GPC6: variants seen among roughly 807,000 people sequenced by gnomAD.
GPC6 encodes glypican-6.
A neutral mutation model predicts 55.2 loss-of-function variants in GPC6; 14 were observed. The ratio of observed to expected loss-of-function variants is 0.25; its 90% CI spans 0.17 to 0.40. The LOEUF (loss-of-function observed/expected upper bound fraction) is 0.40. Among genes scored for constraint, GPC6 ranks in the 10% least tolerant of loss-of-function variants. The pLI, the probability that GPC6 is intolerant of heterozygous loss-of-function variation, is 1.00. For missense variants in GPC6, 641 were observed against 708.5 expected, an observed-to-expected ratio of 0.90 and a Z score of 1.08; for synonymous variants, 278 against 259.6, an observed-to-expected ratio of 1.07 and a Z score of -0.68.
intron 3 of GPC6, among the ~76,000 whole-genome samples, chr13:93,948,731 C>G (rs1450609894): frequency 2.0e-5 from 3 of 152,086 alleles, no homozygotes; most frequent in African/African-American, 7.2e-5. Context: ...ATGTCATCCC[C>G]AACTCAGATA....
At chr13:93,388,398 C>T (rs920216054) in intron 1 of GPC6, among the ~76,000 whole-genome samples, 1 of 152,184 alleles carries the variant, frequency 6.6e-6, no homozygotes, top group Non-Finnish European at 1.5e-5. Flanking sequence ...CCCTTGGGGG[C>T]TCAAATTGTT....
intron 3 of GPC6, among the ~76,000 whole-genome samples, chr13:94,025,935 T>C (rs1284872527): frequency 6.6e-6 from 1 of 152,048 alleles, no homozygotes; most frequent in East Asian, 1.9e-4. Flanking sequence ...ATAAAAAAAA[T>C]TAAAGGATAT....
chr13:94,398,503 C>A lies in GPC6; in HGVS notation c.1327C>A (p.Gln443Lys). 2 of 1,613,756 alleles carry A rather than the reference C, an allele frequency of 1.2e-6. No individual in the cohort carries two copies. Among genetic ancestry groups the A allele is most frequent in the Non-Finnish European group, 1.7e-6 (2 of 1,179,682 alleles). Reference sequence around the variant, plus strand: ...GATCATGAATGATGGGCTCACCAACCAGATCAACAATCCCGAGGTGGATGT... The same window carrying A: ...GATCATGAATGATGGGCTCACCAACAAGATCAACAATCCCGAGGTGGATGT... Reference protein sequence around the residue: ...PEIMNDGLTNQINNPEVDVDI... With the variant: ...PEIMNDGLTNKINNPEVDVDI... Residue 443 changes from glutamine (Q) to lysine (K), a missense_variant, in exon 8 of 9, where the codon CAG (glutamine) becomes AAG (lysine). Gln to Lys is a moderately conservative substitution (Grantham distance 53). Transcript: ENST00000377047.
At chr13:94,305,779 A>G (rs1304271538) in intron 5 of GPC6, among the ~76,000 whole-genome samples, 1 of 152,240 alleles carries the variant, frequency 6.6e-6, no homozygotes. Flanking sequence ...GTCAGGGATT[A>G]TAGTTGGTCA....
At chr13:93,314,248 CA>C (rs1176177829) in intron 1 of GPC6, among the ~76,000 whole-genome samples, 3 of 152,044 alleles carry the variant, frequency 2.0e-5, no homozygotes, top group Admixed American at 6.6e-5. Context: ...CGTAATGCAT[CA>C]AATATATACT....
intron 3 of GPC6, among the ~76,000 whole-genome samples, chr13:93,913,875 C>T (rs1480097897): frequency 1.3e-5 from 2 of 152,150 alleles, no homozygotes; most frequent in Non-Finnish European, 2.9e-5. Flanking sequence ...GAGACAAAAA[C>T]TTAGTTGGCT....
chr13:94,243,370 T>C (rs1891109668), intron 4 of GPC6, among the ~76,000 whole-genome samples: 1 of 152,080 alleles, frequency 6.6e-6, no homozygotes, highest in Admixed American at 6.6e-5. Context: ...GTCTTTTGTG[T>C]ACTGTAACAC....
chr13:93,708,166 T>C (rs1882921511), intron 2 of GPC6, among the ~76,000 whole-genome samples: 1 of 151,836 alleles, frequency 6.6e-6, no homozygotes, highest in South Asian at 2.1e-4. Flanking sequence ...TTACAAGATT[T>C]CCCTTAATTA....
chr13:93,959,497 AT>A (rs1203150423), intron 3 of GPC6, among the ~76,000 whole-genome samples: 3 of 152,120 alleles, frequency 2.0e-5, no homozygotes, highest in African/African-American at 7.2e-5. Context: ...TTCTTACCCA[AT>A]TGCTCTGGGA....
At chr13:93,262,535 A>G (rs2139042204) in intron 1 of GPC6, among the ~76,000 whole-genome samples, 1 of 152,346 alleles carries the variant, frequency 6.6e-6, no homozygotes, top group South Asian at 2.1e-4. Context: ...AGGCCTCTTT[A>G]GAGGCTATTC....
intron 2 of GPC6, among the ~76,000 whole-genome samples, chr13:93,763,544 G>T (rs1885018764): frequency 6.6e-6 from 1 of 152,172 alleles, no homozygotes; most frequent in African/African-American, 2.4e-5. Flanking sequence ...CATTCAAGGA[G>T]TTCTCAAGAA....
At position 93,367,915 on chromosome 13, in the gene GPC6, G is replaced by A. The variant is rs1159604004; in HGVS notation, c.160+140299G>A. 2.0e-5 allele frequency among the ~76,000 whole-genome samples: 3 copies of A among 151,978 alleles called. No individual in the cohort carries two copies. The East Asian group carries it at 5.8e-4, about 29-fold the overall frequency. On this transcript the variant is annotated intron_variant, in intron 1 of 8. Coordinates refer to ENST00000377047, the MANE Select transcript of GPC6 (RefSeq NM_005708.5). ...AAAAGAATGTGTAATCTGCTTTGTT[G>A]GGTATCCTATAAATGTCACTTCGAT...
chr13:93,562,416 A>G (rs983758518), intron 2 of GPC6, among the ~76,000 whole-genome samples: 1 of 152,202 alleles, frequency 6.6e-6, no homozygotes, highest in Non-Finnish European at 1.5e-5. Flanking sequence ...CTATCATGAG[A>G]AAAGTTTAGA....
At chr13:94,110,507 A>G (rs1243302106) in intron 4 of GPC6, among the ~76,000 whole-genome samples, 1 of 152,118 alleles carries the variant, frequency 6.6e-6, no homozygotes, top group Non-Finnish European at 1.5e-5. Context: ...AAGATTTGAT[A>G]GATGCCTGGC....
At chr13:93,378,900 C>T (rs1363945883) in intron 1 of GPC6, among the ~76,000 whole-genome samples, 1 of 150,888 alleles carries the variant, frequency 6.6e-6, no homozygotes, top group Non-Finnish European at 1.5e-5. Context: ...GAGCCTGAGG[C>T]AGGAGAATCG....
intron 1 of GPC6, among the ~76,000 whole-genome samples, chr13:93,448,126 T>G (rs988545309): frequency 6.6e-6 from 1 of 152,196 alleles, no homozygotes; most frequent in Non-Finnish European, 1.5e-5. Flanking sequence ...GGAGTTAGAC[T>G]TAATTAACAA....
chr13:93,931,578 A>G (rs979053339), intron 3 of GPC6, among the ~76,000 whole-genome samples: 2 of 152,038 alleles, frequency 1.3e-5, no homozygotes, highest in African/African-American at 4.8e-5. Flanking sequence ...AGCCTGACCA[A>G]CATGGCGAAA....
At chr13:93,809,180 C>G (rs1195692350) in intron 2 of GPC6, among the ~76,000 whole-genome samples, 1 of 152,202 alleles carries the variant, frequency 6.6e-6, no homozygotes, top group Non-Finnish European at 1.5e-5. Context: ...CTCCTCAGAT[C>G]TAAACACATT....
chr13:94,271,488 A>AT (rs919581146), intron 4 of GPC6, among the ~76,000 whole-genome samples: 3 of 151,716 alleles, frequency 2.0e-5, no homozygotes, highest in Non-Finnish European at 4.4e-5. Context: ...CACTAATGTT[A>AT]TTTTTCACCT....
Sources: gnomAD v4.1 joint callset for allele counts (sites outside exome capture counted in the v4.1 genomes callset) on GRCh38, gnomAD v4.1.1 for gene constraint, MANE v1.5 for transcripts, NCBI Gene and HGNC (gene_info 2026-07-23, HGNC 2026-07-21) for gene names.